The following PHACTR4 variants were observed in gnomAD, a reference collection of about 807,000 sequenced individuals.
The protein encoded by PHACTR4 is phosphatase and actin regulator 4.
PHACTR4 carries 51 observed loss-of-function variants against 72.7 expected under a neutral mutation model. The observed-to-expected ratio is 0.70, with a 90% CI of 0.56 to 0.89. The LOEUF (loss-of-function observed/expected upper bound fraction) is 0.89. Among genes scored for constraint, PHACTR4 ranks in the 40% least tolerant of loss-of-function variants. The pLI, the probability that PHACTR4 is intolerant of heterozygous loss-of-function variation, is 0.00. For missense variants in PHACTR4, 731 were observed against 861.8 expected, an observed-to-expected ratio of 0.85 and a Z score of 1.90; for synonymous variants, 255 against 302.5, an observed-to-expected ratio of 0.84 and a Z score of 1.63.
At chr1:28,370,147 G>A (rs953316762) in intron 1 of PHACTR4, among the ~76,000 whole-genome samples, 1 of 151,752 alleles carries the variant, frequency 6.6e-6, no homozygotes, top group African/African-American at 2.4e-5. Flanking sequence ...TGGAGTCTCC[G>A]CCACGGGGGA....
chr1:28,491,293 C>CA lies in PHACTR4; in HGVS notation c.1878+290dup, dbSNP rs202217458. 4.6e-4 allele frequency among the ~76,000 whole-genome samples: 68 copies of CA among 149,066 alleles called. 1 individual carries two copies. The South Asian group carries it at 6.2e-3, about 14-fold the overall frequency. Reference sequence around the variant, plus strand: ...GCAACATGGCAAGACCCCACCTCTACAAAAAAAAATATATATTAGCCAGGC... The same window carrying CA: ...GCAACATGGCAAGACCCCACCTCTACAAAAAAAAAATATATATTAGCCAGGC... On this transcript the variant is annotated intron_variant, in intron 11 of 13. Coordinates refer to ENST00000373839, the MANE Select transcript of PHACTR4 (RefSeq NM_001048183.3).
At chr1:28,495,174 A>G (rs1298186642) in intron 13 of PHACTR4, among the ~76,000 whole-genome samples, 1 of 152,208 alleles carries the variant, frequency 6.6e-6, no homozygotes, top group Non-Finnish European at 1.5e-5. Flanking sequence ...AGTTTATTCA[A>G]CAAATACTGA....
chr1:28,437,381 C>T (rs1377790384), intron 2 of PHACTR4, among the ~76,000 whole-genome samples: 2 of 152,130 alleles, frequency 1.3e-5, no homozygotes, highest in African/African-American at 4.8e-5. Context: ...TGGCACATGC[C>T]ACCATGCCTG....
intron 2 of PHACTR4, among the ~76,000 whole-genome samples, chr1:28,442,972 A>T (rs747655794): frequency 6.6e-6 from 1 of 152,102 alleles, no homozygotes; most frequent in Non-Finnish European, 1.5e-5. Context: ...TTGAAACTAC[A>T]TATTATTAAC....
In PHACTR4 at chr1:28,441,810, C is replaced by T. The variant is rs118034922; in HGVS notation, c.17-17275C>T. ...AGGAGTTTGGGATCAGCCTGGGCAA[C>T]ATAGGGCAACACCGTTTCTACAAAA... On this transcript the variant is annotated intron_variant, in intron 2 of 13. Coordinates refer to ENST00000373839, the MANE Select transcript of PHACTR4 (RefSeq NM_001048183.3). Among the ~76,000 whole-genome samples the T allele has an allele frequency of 1.1e-3, 160 of 152,038 alleles. 4 individuals are homozygous for T. In the East Asian group the frequency reaches 0.028, roughly 27 times the overall value.
chr1:28,409,876 T>G (rs1654642910), intron 2 of PHACTR4, among the ~76,000 whole-genome samples: 1 of 151,746 alleles, frequency 6.6e-6, no homozygotes. Context: ...TATGCCTAGT[T>G]CATCAATTAG....
At position 28,498,534 on chromosome 1, in the gene PHACTR4, TCTCA is replaced by T. The variant is rs1661492533; in HGVS notation, c.*1988_*1991del. Reference sequence around the variant, plus strand: ...TGAACTTGTATTGAAAACCATACAGTCTCACTGTTTTGCTTTAATTCCTATCCAC... The same window carrying T: ...TGAACTTGTATTGAAAACCATACAGTCTGTTTTGCTTTAATTCCTATCCAC... On this transcript the variant is annotated 3_prime_UTR_variant, in exon 14 of 14. Transcript: ENST00000373839. The T allele has an allele frequency of 6.6e-6, 1 of 152,172 alleles. No individual in the cohort carries two copies. The highest frequency in any genetic ancestry group is 2.4e-5 in the African/African-American group (1 of 41,444). The allele number at this position is 152,172 out of a possible 1,614,324, so 9.4% of individuals were successfully genotyped here. A position where few individuals can be genotyped will look rare whatever the true frequency, so the allele number is the denominator to read the frequency against.
intron 2 of PHACTR4, among the ~76,000 whole-genome samples, chr1:28,447,656 C>A (rs1403790111): frequency 3.9e-5 from 6 of 152,012 alleles, no homozygotes; most frequent in African/African-American, 1.5e-4. Context: ...TAAAAACATA[C>A]CCTTAACCTG....
intron 2 of PHACTR4, among the ~76,000 whole-genome samples, chr1:28,440,496 C>T (rs1299200111): frequency 7.1e-6 from 1 of 140,352 alleles, no homozygotes; most frequent in Non-Finnish European, 1.5e-5. Context: ...CCCGGGTTCA[C>T]GCCATTCTCC....
chr1:28,490,209 T>C (rs965712040), intron 10 of PHACTR4, among the ~76,000 whole-genome samples: 1 of 152,158 alleles, frequency 6.6e-6, no homozygotes, highest in African/African-American at 2.4e-5. Context: ...TTTTAAGTAT[T>C]TGTATCGTTG....
chr1:28,419,184 A>T (rs1655333142), intron 2 of PHACTR4, among the ~76,000 whole-genome samples: 1 of 150,100 alleles, frequency 6.7e-6, no homozygotes, highest in Non-Finnish European at 1.5e-5. Flanking sequence ...GGGTTTCACC[A>T]TGTCGGCCAG....
intron 1 of PHACTR4, among the ~76,000 whole-genome samples, chr1:28,396,837 C>G (rs866652407): frequency 1.0e-5 from 1 of 99,326 alleles, no homozygotes; most frequent in South Asian, 3.4e-4. Flanking sequence ...TTCTTTCTTT[C>G]TTTCTTTCTT....
intron 8 of PHACTR4, among the ~76,000 whole-genome samples, chr1:28,478,157 T>G (rs1047542198): frequency 2.0e-5 from 3 of 152,218 alleles, no homozygotes; most frequent in African/African-American, 7.2e-5. Flanking sequence ...AACATTTATC[T>G]TTCTGTGCCT....
At chr1:28,423,513 C>T (rs184023485) in intron 2 of PHACTR4, among the ~76,000 whole-genome samples, 2 of 152,194 alleles carry the variant, frequency 1.3e-5, no homozygotes, top group African/African-American at 4.8e-5. Context: ...CTCCATGTAG[C>T]ATAAGTATGG....
At chr1:28,455,198 C>CTTTCTTTTTTTT (rs1250815977) in intron 2 of PHACTR4, among the ~76,000 whole-genome samples, 1 of 85,972 alleles carries the variant, frequency 1.2e-5, no homozygotes, top group Non-Finnish European at 2.1e-5. Flanking sequence ...TTCTTTCTTT[C>CTTTCTTTTTTTT]TTTTTTTTTT....
intron 2 of PHACTR4, among the ~76,000 whole-genome samples, chr1:28,426,095 C>A (rs532861389): frequency 8.0e-4 from 122 of 152,232 alleles, no homozygotes; most frequent in African/African-American, 2.8e-3. Context: ...GTGGCAGGCG[C>A]CTGTAATCTC....
intron 9 of PHACTR4, among the ~76,000 whole-genome samples, chr1:28,487,165 G>T (rs896887602): frequency 6.6e-6 from 1 of 152,160 alleles, no homozygotes; most frequent in Middle Eastern, 3.4e-3. Flanking sequence ...AGGAGATTGA[G>T]ACCATCCTGG....
intron 6 of PHACTR4, among the ~76,000 whole-genome samples, chr1:28,470,915 C>T (rs1012233951): frequency 6.6e-6 from 1 of 151,410 alleles, no homozygotes; most frequent in Non-Finnish European, 1.5e-5. Context: ...GTCCTAGCTA[C>T]TTGGGAGGCT....
At chr1:28,415,642 C>T (rs1158219125) in intron 2 of PHACTR4, among the ~76,000 whole-genome samples, 1 of 152,188 alleles carries the variant, frequency 6.6e-6, no homozygotes. Context: ...TATATACCCT[C>T]TCTTGTATAA....
Sources: allele counts gnomAD v4.1 joint callset (sites outside exome capture counted in the v4.1 genomes callset), GRCh38; gene constraint gnomAD v4.1.1; transcripts MANE v1.5; gene names NCBI Gene and HGNC (gene_info 2026-07-23, HGNC 2026-07-21).